The following CERS6 variants were observed in gnomAD, a reference collection of about 807,000 sequenced individuals.
CERS6 encodes the protein ceramide synthase 6, also known as LAG1 homolog, ceramide synthase 6.
In CERS6, 26 loss-of-function variants were observed where a neutral mutation model predicts 56.8. The ratio of observed to expected loss-of-function variants is 0.46; its 90% CI spans 0.34 to 0.63. The LOEUF (loss-of-function observed/expected upper bound fraction) is 0.63. CERS6 is among the 30% of genes least tolerant of loss of function. CERS6 has a pLI of 0.01. For missense variants in CERS6, 415 were observed against 467.5 expected (o/e 0.89, Z 1.04); for synonymous variants, 164 against 173.3 (o/e 0.95, Z 0.42).
At chr2:168,763,877 A>G (rs1684652258) in intron 8 of CERS6, among the ~76,000 whole-genome samples, 1 of 152,082 alleles carries the variant, frequency 6.6e-6, no homozygotes, top group African/African-American at 2.4e-5. Flanking sequence ...AATGATTCCA[A>G]AATTATGCAG....
intron 2 of CERS6, among the ~76,000 whole-genome samples, chr2:168,549,678 TTGAA>T (rs1476891173): frequency 6.6e-6 from 1 of 152,178 alleles, no homozygotes; most frequent in Admixed American, 6.5e-5. Flanking sequence ...TCTAGCTAAT[TTGAA>T]TGATCATATT....
intron 1 of CERS6, among the ~76,000 whole-genome samples, chr2:168,500,870 C>T (rs1694567538): frequency 6.6e-6 from 1 of 152,224 alleles, no homozygotes; most frequent in Non-Finnish European, 1.5e-5. Context: ...TTTTAACTAA[C>T]TGTGGGTATC....
At position 168,717,925 on chromosome 2, in the gene CERS6, T is replaced by G. The variant is rs1404287001; in HGVS notation, c.792T>G (p.Phe264Leu). 1 of 1,613,926 alleles carries G rather than the reference T, an allele frequency of 6.2e-7. No individual in the cohort carries two copies. Among genetic ancestry groups the G allele is most frequent in the Non-Finnish European group, 8.5e-7 (1 of 1,179,828 alleles). ...TTCAGAAAATGTGTGATCTCCTGTT[T>G]GTTATGTTTGCCGTGGTTTTTATCA... ...AKFQKMCDLL[F>L]VMFAVVFITT... is the part of the protein sequence containing the mutation. Residue 264 changes from phenylalanine to leucine, a missense_variant, in exon 8 of 10, where the codon TTT (phenylalanine) becomes TTG (leucine). Physicochemically the swap from Phe to Leu is conservative, Grantham distance 22. Coordinates refer to ENST00000305747, the MANE Select transcript of CERS6 (RefSeq NM_203463.3).
chr2:168,655,989 A>G (rs78812398), intron 4 of CERS6, among the ~76,000 whole-genome samples: 2,721 of 152,330 alleles, frequency 0.018, 84 homozygotes, highest in African/African-American at 0.062. Flanking sequence ...CAAATATTAC[A>G]TGATAAACTT....
At chr2:168,620,176 G>A (rs1684434962) in intron 3 of CERS6, among the ~76,000 whole-genome samples, 3 of 152,024 alleles carry the variant, frequency 2.0e-5, no homozygotes, top group Non-Finnish European at 4.4e-5. Context: ...AGTAACTCAG[G>A]AATGGAAAAC....
chr2:168,705,967 GA>G (rs1436193554), intron 6 of CERS6, among the ~76,000 whole-genome samples: 1 of 152,166 alleles, frequency 6.6e-6, no homozygotes, highest in Non-Finnish European at 1.5e-5. Context: ...AAACTAGTGT[GA>G]TTGAGCCAAG....
chr2:168,725,706 T>G (rs1006348958), intron 8 of CERS6, among the ~76,000 whole-genome samples: 1 of 152,258 alleles, frequency 6.6e-6, no homozygotes, highest in Non-Finnish European at 1.5e-5. Flanking sequence ...TGGTATATAT[T>G]GGATACATGT....
chr2:168,690,012 C>G (rs1210005943), intron 4 of CERS6, among the ~76,000 whole-genome samples: 2 of 152,018 alleles, frequency 1.3e-5, no homozygotes, highest in African/African-American at 2.4e-5. Context: ...CTCCATTTAC[C>G]TATCTATAAA....
chr2:168,596,663 C>T (rs1683807461), intron 3 of CERS6, among the ~76,000 whole-genome samples: 1 of 148,606 alleles, frequency 6.7e-6, no homozygotes. Context: ...AAGTGGTTCT[C>T]CTGCCTCAGC....
chr2:168,492,654 A>G (rs531810018), intron 1 of CERS6, among the ~76,000 whole-genome samples: 14 of 152,118 alleles, frequency 9.2e-5, no homozygotes, highest in Non-Finnish European at 1.9e-4. Flanking sequence ...TTTTGTTGCC[A>G]TTGCTTTTGG....
chr2:168,492,741 A>T (rs1393607148), intron 1 of CERS6, among the ~76,000 whole-genome samples: 4 of 152,004 alleles, frequency 2.6e-5, no homozygotes, highest in Non-Finnish European at 5.9e-5. Flanking sequence ...GATTTTTATG[A>T]TTTTAGGTCT....
chr2:168,726,240 A>G (rs1193929575), intron 8 of CERS6, among the ~76,000 whole-genome samples: 1 of 152,226 alleles, frequency 6.6e-6, no homozygotes, highest in Non-Finnish European at 1.5e-5. Flanking sequence ...TCAATTAGTC[A>G]GTGATTCACC....
intron 6 of CERS6, among the ~76,000 whole-genome samples, chr2:168,698,255 G>GAAAAAAAAAAAAAA (rs869056813): frequency 1.1e-4 from 2 of 17,948 alleles, no homozygotes; most frequent in Non-Finnish European, 5.9e-4. Context: ...AAAAAAAAAA[G>GAAAAAAAAAAAAAA]AAAAAAAAAA....
chr2:168,720,092 T>A (rs1687323350), intron 8 of CERS6, among the ~76,000 whole-genome samples: 1 of 150,638 alleles, frequency 6.6e-6, no homozygotes, highest in Admixed American at 6.6e-5. Context: ...AGGACCGGTC[T>A]AATTTTTTTT....
chr2:168,467,643 A>G (rs1437715788), intron 1 of CERS6, among the ~76,000 whole-genome samples: 1 of 152,232 alleles, frequency 6.6e-6, no homozygotes, highest in African/African-American at 2.4e-5. Flanking sequence ...AATAGACAAC[A>G]TATTCTCTCA....
intron 7 of CERS6, among the ~76,000 whole-genome samples, chr2:168,716,713 A>G (rs1276425533): frequency 6.6e-6 from 1 of 152,162 alleles, no homozygotes; most frequent in East Asian, 1.9e-4. Flanking sequence ...TTACCTAGCC[A>G]GGAGAAGGTA....
chr2:168,540,567 C>G (rs145779022), intron 1 of CERS6, among the ~76,000 whole-genome samples: 1 of 152,166 alleles, frequency 6.6e-6, no homozygotes, highest in Non-Finnish European at 1.5e-5. Flanking sequence ...GTAGGCCATA[C>G]CATCTAGGTT....
intron 4 of CERS6, among the ~76,000 whole-genome samples, chr2:168,656,155 C>T (rs1390441238): frequency 6.6e-6 from 1 of 152,196 alleles, no homozygotes; most frequent in African/African-American, 2.4e-5. Flanking sequence ...GTGGCAGCCA[C>T]TTATTCCAAG....
rs1439012361 is a variant in CERS6 at position 168,620,062 on chromosome 2, C to CACACACATATACATAT, written c.408-10922_408-10921insCACACATATACATATA. On this transcript the variant is annotated intron_variant, in intron 3 of 9. Coordinates refer to ENST00000305747, the MANE Select transcript of CERS6 (RefSeq NM_203463.3). Reference sequence around the variant, plus strand: ...ACACACACACACACACACACACACACATATTTATATATATATGATCTAATA... The same window carrying CACACACATATACATAT: ...ACACACACACACACACACACACACACACACACATATACATATATATTTATATATATATGATCTAATA... 3.5e-3 allele frequency among the ~76,000 whole-genome samples: 243 copies of CACACACATATACATAT among 70,058 alleles called. 10 individuals carry two copies. The East Asian group carries it at 0.044, about 13-fold the overall frequency. The allele number at this position is 70,058 out of a possible 152,430, so 46.0% of individuals were successfully genotyped here.
Sources: gnomAD v4.1 joint callset for allele counts (sites outside exome capture counted in the v4.1 genomes callset) on GRCh38, gnomAD v4.1.1 for gene constraint, MANE v1.5 for transcripts, NCBI Gene and HGNC (gene_info 2026-07-23, HGNC 2026-07-21) for gene names.